NFASC: variants seen among roughly 807,000 people sequenced by gnomAD.
NFASC encodes the protein neurofascin.
A neutral mutation model predicts 147.5 loss-of-function variants in NFASC; 43 were observed. The observed-to-expected ratio is 0.29, with a 90% CI of 0.23 to 0.38. The LOEUF is 0.38. Ranked by LOEUF, NFASC falls within the 10% of genes least tolerant of loss-of-function variation. The pLI, the probability that NFASC is intolerant of heterozygous loss-of-function variation, is 1.00. For missense variants in NFASC, 1,320 were observed against 1,689.0 expected, an observed-to-expected ratio of 0.78 and a Z score of 3.83; for synonymous variants, 622 against 665.5, an observed-to-expected ratio of 0.93 and a Z score of 1.01.
At chr1:204,980,509 G>A in intron 20 of NFASC, 69 bp downstream of exon 20, 1 of 1,169,940 alleles carries the variant, frequency 8.5e-7, no homozygotes, top group Non-Finnish European at 1.3e-6. Context: ...CCTCTCCCTT[G>A]ATGCCCCGAC....
At chr1:204,870,594 A>G (rs879279024) in intron 1 of NFASC, 6 of 889,472 alleles carry the variant, frequency 6.7e-6, no homozygotes, top group South Asian at 4.8e-5. Context: ...CTCTCTGTCT[A>G]TCCCCTCAGG....
At chr1:204,964,264 C>T (rs1390398145) in intron 8 of NFASC, among the ~76,000 whole-genome samples, 7 of 152,226 alleles carry the variant, frequency 4.6e-5, no homozygotes, top group Non-Finnish European at 1.0e-4. Flanking sequence ...GCTTATGGTT[C>T]CTAGTATGTG....
intron 11 of NFASC, 125 bp from the exon 12 acceptor site, chr1:204,973,151 C>T: frequency 1.0e-6 from 1 of 961,964 alleles, no homozygotes; most frequent in Admixed American, 2.0e-5. Flanking sequence ...GCCCTGTCAT[C>T]TGGCCCCCCA....
At chr1:204,937,679 T>C (rs974641723) in intron 2 of NFASC, among the ~76,000 whole-genome samples, 3 of 152,328 alleles carry the variant, frequency 2.0e-5, no homozygotes, top group Middle Eastern at 3.4e-3. Flanking sequence ...CCTCCGTTTC[T>C]CCATCCGCTG....
intron 29 of NFASC, among the ~76,000 whole-genome samples, chr1:205,014,684 G>T (rs1054056991): frequency 6.6e-6 from 1 of 152,134 alleles, no homozygotes; most frequent in African/African-American, 2.4e-5. Context: ...CCCCTCAACA[G>T]CCTGGCATGC....
At chr1:204,886,543 A>C (rs151076262) in intron 1 of NFASC, among the ~76,000 whole-genome samples, 143 of 152,306 alleles carry the variant, frequency 9.4e-4, no homozygotes, top group Middle Eastern at 3.4e-3. Context: ...TGCTGGGCCC[A>C]CACTCAGAGT....
intron 1 of NFASC, among the ~76,000 whole-genome samples, chr1:204,848,878 T>A (rs1380799059): frequency 6.6e-6 from 1 of 152,226 alleles, no homozygotes; most frequent in Non-Finnish European, 1.5e-5. Flanking sequence ...CTACCCCAGC[T>A]GTTAATAAGT....
chr1:204,995,416 T>G (rs1405745777), intron 24 of NFASC, among the ~76,000 whole-genome samples: 1 of 151,882 alleles, frequency 6.6e-6, no homozygotes, highest in African/African-American at 2.4e-5. Flanking sequence ...GTGCTGAGAT[T>G]ATATTCCAGG....
At chr1:204,950,498 T>C in intron 3 of NFASC, 59 bp from the exon 4 acceptor site, 2 of 1,545,530 alleles carry the variant, frequency 1.3e-6, no homozygotes, top group South Asian at 2.3e-5. Flanking sequence ...TGGGCGGTTG[T>C]GTGCATAACG....
intron 24 of NFASC, among the ~76,000 whole-genome samples, chr1:204,994,008 C>T (rs1472840426): frequency 1.3e-5 from 2 of 152,166 alleles, no homozygotes; most frequent in African/African-American, 4.8e-5. Flanking sequence ...TTTCTTCTTT[C>T]CTCCACCCTC....
In NFASC at chr1:204,968,207, T is replaced by C. The variant is rs771029430; in HGVS notation, c.707-42T>C. On this transcript the variant is annotated intron_variant, in intron 8 of 29. Transcript: ENST00000339876. The surrounding 1 kb of genome is among the most constrained non-coding windows in gnomAD (Gnocchi z 5.4). ...AGCGTTGGCCTAGTGGGGTCTGCCTTCTGGAAGGAGGCTCATGGGAGTTTG... is the reference window on the plus strand; with the variant it reads ...AGCGTTGGCCTAGTGGGGTCTGCCTCCTGGAAGGAGGCTCATGGGAGTTTG... 1 of 1,480,622 alleles carries C rather than the reference T, an allele frequency of 6.8e-7. No homozygotes were observed. Among genetic ancestry groups the C allele is most frequent in the East Asian group, 2.3e-5 (1 of 44,164 alleles). 91.7% of individuals were successfully genotyped at this position (1,480,622 alleles called of 1,614,324 possible).
At position 204,975,350 on chromosome 1, in the gene NFASC, G is replaced by T; in HGVS notation, c.1638G>T (p.Lys546Asn). The T allele has an allele frequency of 1.2e-6, 2 of 1,614,098 alleles. No individual in the cohort carries two copies. Among genetic ancestry groups the T allele is most frequent in the Non-Finnish European group, 1.7e-6 (2 of 1,179,976 alleles). Residue 546 changes from lysine to asparagine, a missense_variant, in exon 15 of 30, where the codon AAG becomes AAT. This residue lies in a region of NFASC where 981 missense variants were observed against 1,289.5 expected (regional missense o/e 0.76). Coordinates refer to ENST00000339876, the MANE Select transcript of NFASC (RefSeq NM_001005388.3). The surrounding 1 kb of genome is among the most constrained non-coding windows in gnomAD (Gnocchi z 4.0). ...CGGTGCAGCTGGAGTGTCGGGTGAA[G>T]CACGACCCCTCCCTGAAACTCACCG... The part of the protein sequence containing the change: ...GTTVQLECRV[K>N]HDPSLKLTVS...
chr1:204,996,578 G>C (rs899755144), intron 24 of NFASC, among the ~76,000 whole-genome samples: 1 of 152,222 alleles, frequency 6.6e-6, no homozygotes, highest in African/African-American at 2.4e-5. Flanking sequence ...AGGGCAGGCA[G>C]AACGCCGTGC....
At position 204,954,738 on chromosome 1, in the gene NFASC, T is replaced by C; in HGVS notation, c.413-91T>C. The stretch of plus-strand genomic sequence containing the variant: ...TCCTTCTCCAGGTGCCCCTTCTGTT[T>C]CTCCTCCTTGCATGCCTGCCTCTGA... On this transcript the variant is annotated intron_variant, in intron 6 of 29. Coordinates refer to ENST00000339876, the MANE Select transcript of NFASC (RefSeq NM_001005388.3). This position sits in a 1 kb window ranked among gnomAD's most constrained non-coding sequence, Gnocchi z 5.7. 1 of 1,470,106 alleles carries C rather than the reference T, an allele frequency of 6.8e-7. No individual in the cohort carries two copies. Among genetic ancestry groups the C allele is most frequent in the Non-Finnish European group, 9.4e-7 (1 of 1,066,668 alleles). 91.1% of individuals were successfully genotyped at this position (1,470,106 alleles called of 1,614,324 possible). A position where few individuals can be genotyped will look rare whatever the true frequency, so the allele number is the denominator to read the frequency against.
intron 1 of NFASC, among the ~76,000 whole-genome samples, chr1:204,862,018 A>C (rs2076725792): frequency 6.6e-6 from 1 of 152,182 alleles, no homozygotes; most frequent in Non-Finnish European, 1.5e-5. Flanking sequence ...TTATTTACTC[A>C]TACATGTGCT....
intron 3 of NFASC, chr1:204,946,276 G>A: frequency 2.0e-6 from 1 of 503,446 alleles, no homozygotes; most frequent in South Asian, 1.4e-5. Flanking sequence ...AGTGAGCTAA[G>A]TGCTGCATGT....
intron 1 of NFASC, among the ~76,000 whole-genome samples, chr1:204,869,195 A>C (rs1424356256): frequency 2.6e-5 from 4 of 152,186 alleles, no homozygotes; most frequent in Non-Finnish European, 5.9e-5. Flanking sequence ...AGTATGAGCC[A>C]ATAGTGGGAT....
chr1:204,991,401 C>A, intron 24 of NFASC, 95 bp downstream of exon 24: 1 of 1,298,290 alleles, frequency 7.7e-7, no homozygotes, highest in Non-Finnish European at 1.1e-6. Flanking sequence ...GAGGCTCAGG[C>A]TGAAAGCATG....
chr1:204,852,823 C>T (rs181316832), intron 1 of NFASC, among the ~76,000 whole-genome samples: 134 of 152,318 alleles, frequency 8.8e-4, no homozygotes, highest in Admixed American at 5.8e-3. Flanking sequence ...GGGCTTGCCT[C>T]ATCTGGGTGA....
Sources: allele counts gnomAD v4.1 joint callset (sites outside exome capture counted in the v4.1 genomes callset), GRCh38; gene constraint gnomAD v4.1.1; regional missense constraint gnomAD v4.1.1; non-coding constraint Gnocchi (gnomAD v3.1); transcripts MANE v1.5; gene names NCBI Gene and HGNC (gene_info 2026-07-23, HGNC 2026-07-21).